Variants in KCND3 observed in about 807,000 individuals in gnomAD.
The protein encoded by KCND3 is A-type voltage-gated potassium channel KCND3.
Under a neutral mutation model 51.1 loss-of-function variants are expected in KCND3, and 9 were observed. That is an observed-to-expected ratio of 0.18 (90% CI 0.11 to 0.31). KCND3 has a LOEUF of 0.31. Ranked by LOEUF, KCND3 falls within the 10% of genes least tolerant of loss-of-function variation. The pLI, the probability that KCND3 is intolerant of heterozygous loss-of-function variation, is 1.00. For missense variants in KCND3, 526 were observed against 903.8 expected, an observed-to-expected ratio of 0.58 and a Z score of 5.36; for synonymous variants, 349 against 368.0, an observed-to-expected ratio of 0.95 and a Z score of 0.59.
intron 2 of KCND3, among the ~76,000 whole-genome samples, chr1:111,948,238 G>C (rs1207197602): frequency 6.6e-6 from 1 of 152,220 alleles, no homozygotes; most frequent in Non-Finnish European, 1.5e-5. Flanking sequence ...CCACGGGGCT[G>C]GTGCTGGCCA....
chr1:111,883,317 T>C (rs916363348), intron 2 of KCND3, among the ~76,000 whole-genome samples: 2 of 152,242 alleles, frequency 1.3e-5, no homozygotes, highest in African/African-American at 2.4e-5. Context: ...GCAAGATCTG[T>C]CTGATACACA....
At chr1:111,818,066 ACACACACACACAG>A (rs1374789622) in intron 2 of KCND3, among the ~76,000 whole-genome samples, 1 of 151,882 alleles carries the variant, frequency 6.6e-6, no homozygotes, top group African/African-American at 2.4e-5. Flanking sequence ...ACACACACAC[ACACACACACACAG>A]AATTATGAGG....
At chr1:111,959,586 G>A (rs1436818101) in intron 2 of KCND3, among the ~76,000 whole-genome samples, 1 of 152,098 alleles carries the variant, frequency 6.6e-6, no homozygotes, top group Admixed American at 6.5e-5. Flanking sequence ...GTCTTCCTAG[G>A]GCCAGCGAGG....
intron 2 of KCND3, among the ~76,000 whole-genome samples, chr1:111,866,052 C>T (rs371108147): frequency 1.8e-4 from 27 of 151,494 alleles, no homozygotes; most frequent in East Asian, 1.4e-3. Context: ...TTTTTGGGGG[C>T]GCAGATTAAT....
At chr1:111,908,736 A>G (rs1333081144) in intron 2 of KCND3, among the ~76,000 whole-genome samples, 1 of 152,096 alleles carries the variant, frequency 6.6e-6, no homozygotes, top group African/African-American at 2.4e-5. Context: ...TTTTTGTCTC[A>G]AAAATGAAGA....
rs1664625112 is a variant in KCND3 at position 111,786,872 on chromosome 1, A to G, written c.1269+72T>C. The stretch of plus-strand genomic sequence containing the variant: ...GTGCAGTGATCCTGTGAGGAGCTCT[A>G]GTCCTGGCTCCCTGACTGGTGCTCC... On this transcript the variant is annotated intron_variant, in intron 3 of 7. Transcript: ENST00000302127. 7.6e-6 allele frequency: 12 copies of G among 1,570,628 alleles called. No homozygotes were observed. The Admixed American group carries it at 2.0e-4, about 26-fold the overall frequency.
At chr1:111,948,136 TCATGCCCACAGGGCAAATGGGCCCCAC>T (rs1465887358) in intron 2 of KCND3, among the ~76,000 whole-genome samples, 1 of 152,198 alleles carries the variant, frequency 6.6e-6, no homozygotes, top group Non-Finnish European at 1.5e-5. Flanking sequence ...GGCTGCCCCA[TCATGCCCACAGGGCAAATGGGCCCCAC>T]CATGCCCCTA....
At chr1:111,826,761 A>G (rs1455784822) in intron 2 of KCND3, among the ~76,000 whole-genome samples, 2 of 152,218 alleles carry the variant, frequency 1.3e-5, no homozygotes, top group African/African-American at 4.8e-5. Flanking sequence ...TATTATAATA[A>G]TAATAATAGT....
At chr1:111,935,712 C>G (rs1257050851) in intron 2 of KCND3, among the ~76,000 whole-genome samples, 1 of 152,164 alleles carries the variant, frequency 6.6e-6, no homozygotes, top group African/African-American at 2.4e-5. Flanking sequence ...CAGAACAGAC[C>G]TGTCTCTCCT....
chr1:111,838,045 C>A (rs1667146573), intron 2 of KCND3, among the ~76,000 whole-genome samples: 1 of 152,150 alleles, frequency 6.6e-6, no homozygotes, highest in South Asian at 2.1e-4. Flanking sequence ...CTCACCTGGG[C>A]TGAGGTCATT....
rs139236313 is a variant in KCND3, at chr1:111,876,437, C to T, written c.1107-89331G>A. 4.9e-4 allele frequency among the ~76,000 whole-genome samples: 74 copies of T among 152,340 alleles called. No homozygotes were observed. In the East Asian group the frequency reaches 0.013, roughly 27 times the overall value. ...CCCAGCCCAGTGAGTGGCTAATTCA[C>T]CTCCGAGGCCCTCTTCGGATCAATT... On this transcript the variant is annotated intron_variant, in intron 2 of 7. Coordinates refer to ENST00000302127, the MANE Select transcript of KCND3 (RefSeq NM_001378969.1).
chr1:111,887,183 A>G (rs1669608160), intron 2 of KCND3, among the ~76,000 whole-genome samples: 1 of 152,204 alleles, frequency 6.6e-6, no homozygotes, highest in Non-Finnish European at 1.5e-5. Context: ...AGTGCTGAAG[A>G]GTTGTCTGTT....
intron 2 of KCND3, among the ~76,000 whole-genome samples, chr1:111,958,642 G>A (rs1161766931): frequency 2.6e-5 from 4 of 152,222 alleles, no homozygotes; most frequent in African/African-American, 7.2e-5. Context: ...GTGCTGCTTC[G>A]GCCTTGGATT....
chr1:111,980,627 G>T (rs937633119), intron 2 of KCND3, among the ~76,000 whole-genome samples: 2 of 152,184 alleles, frequency 1.3e-5, no homozygotes, highest in Non-Finnish European at 2.9e-5. Context: ...ATGAATTGTG[G>T]AGGGATTTTG....
Position 111,771,393 on chromosome 1 carries a change from TA to T in KCND3, c.*4683del, listed in dbSNP as rs1369179950. 2.0e-5 allele frequency: 3 copies of T among 152,044 alleles called. No individual in the cohort carries two copies. Among genetic ancestry groups the T allele is most frequent in the Admixed American group, 6.6e-5 (1 of 15,266 alleles). The allele number at this position is 152,044 out of a possible 1,614,324, so 9.4% of individuals were successfully genotyped here. ...TCATTAGGAAATCAGAAAGAGAAAA[TA>T]AAAGTTTGTCATGGTTACCATGCCA... On this transcript the variant is annotated 3_prime_UTR_variant, in exon 8 of 8. Coordinates refer to ENST00000302127, the MANE Select transcript of KCND3 (RefSeq NM_001378969.1).
At chr1:111,864,049 T>C (rs563889704) in intron 2 of KCND3, among the ~76,000 whole-genome samples, 3 of 150,954 alleles carry the variant, frequency 2.0e-5, no homozygotes, top group African/African-American at 4.9e-5. Context: ...AGCTTTGATA[T>C]GGGGAGCAGA....
intron 2 of KCND3, among the ~76,000 whole-genome samples, chr1:111,925,483 C>G (rs575524295): frequency 6.6e-6 from 1 of 152,262 alleles, no homozygotes; most frequent in African/African-American, 2.4e-5. Context: ...TTTAAAATAG[C>G]AGTTTTAGTG....
chr1:111,799,072 T>A (rs1423198727), intron 2 of KCND3, among the ~76,000 whole-genome samples: 3 of 152,092 alleles, frequency 2.0e-5, no homozygotes, highest in Admixed American at 6.6e-5. Context: ...AAGTTGGGCC[T>A]CGAAATGGGC....
At chr1:111,937,908 A>C (rs1413388155) in intron 2 of KCND3, among the ~76,000 whole-genome samples, 2 of 152,172 alleles carry the variant, frequency 1.3e-5, no homozygotes. Flanking sequence ...TAGCTTTTCT[A>C]AAGTTACCAC....
Sources: gnomAD v4.1 joint callset for allele counts (sites outside exome capture counted in the v4.1 genomes callset) on GRCh38, gnomAD v4.1.1 for gene constraint, MANE v1.5 for transcripts, NCBI Gene and HGNC (gene_info 2026-07-23, HGNC 2026-07-21) for gene names.